CRACD: variants seen among roughly 807,000 people sequenced by gnomAD.
CRACD encodes the protein capping protein inhibiting regulator of actin dynamics, also known as capping protein-inhibiting regulator of actin dynamics.
A neutral mutation model predicts 106.8 loss-of-function variants in CRACD; 56 were observed. That is an observed-to-expected ratio of 0.52 (90% CI 0.42 to 0.66). CRACD has a LOEUF of 0.66. CRACD is among the 30% of genes least tolerant of loss of function. The probability of loss-of-function intolerance (pLI) is 0.00; values close to 1 mark genes in which losing one functional copy is unlikely to be tolerated. For missense variants in CRACD, 1,730 were observed against 1,623.2 expected (o/e 1.07, Z -1.13); for synonymous variants, 754 against 670.8 (o/e 1.12, Z -1.92).
At chr4:56,181,390 T>G (rs60756077) in intron 2 of CRACD, among the ~76,000 whole-genome samples, 5,946 of 152,146 alleles carry the variant, frequency 0.039, 302 homozygotes, top group African/African-American at 0.11. Context: ...GGAGGGTTGA[T>G]CCACAGGAAA....
intron 2 of CRACD, among the ~76,000 whole-genome samples, chr4:56,216,559 C>A (rs1000160852): frequency 6.6e-6 from 1 of 152,144 alleles, no homozygotes; most frequent in South Asian, 2.1e-4. Flanking sequence ...GAGGGATACA[C>A]TCTCTGTGGG....
chr4:56,130,470 C>G (rs1734789552), intron 1 of CRACD, among the ~76,000 whole-genome samples: 1 of 152,092 alleles, frequency 6.6e-6, no homozygotes, highest in African/African-American at 2.4e-5. Flanking sequence ...TGGCTTAAAA[C>G]CCTCTTAAAA....
At chr4:56,294,494 G>T (rs1365328854) in intron 3 of CRACD, among the ~76,000 whole-genome samples, 1 of 152,142 alleles carries the variant, frequency 6.6e-6, no homozygotes, top group African/African-American at 2.4e-5. Context: ...ATAAATACAT[G>T]AGGAGTCAGC....
chr4:56,123,057 C>T (rs1314255072), intron 1 of CRACD, among the ~76,000 whole-genome samples: 2 of 152,136 alleles, frequency 1.3e-5, no homozygotes, highest in South Asian at 2.1e-4. Context: ...TAATAGTTAT[C>T]GAAGTAAGAT....
At chr4:56,303,525 A>C (rs1192950548) in intron 4 of CRACD, among the ~76,000 whole-genome samples, 1 of 152,244 alleles carries the variant, frequency 6.6e-6, no homozygotes, top group Non-Finnish European at 1.5e-5. Context: ...GGGCAGAATT[A>C]AAGTAACAAA....
rs1475193365 is a variant in CRACD, at chr4:56,329,474, T to C, written c.*1670T>C. Among the ~76,000 whole-genome samples, 1 of 152,208 alleles carries C rather than the reference T, an allele frequency of 6.6e-6. No individual in the cohort carries two copies. The highest frequency in any genetic ancestry group is 1.9e-4 in the East Asian group (1 of 5,208). ...GAAACCATTTTCTTTCTAGAAACAA[T>C]AGCTCAGCCTCACTGTAGCAGCTGG... On this transcript the variant is annotated 3_prime_UTR_variant, in exon 11 of 11. Coordinates refer to ENST00000682029, the MANE Select transcript of CRACD (RefSeq NM_001393381.1).
At chr4:56,103,347 A>G (rs1733842623) in intron 1 of CRACD, among the ~76,000 whole-genome samples, 1 of 152,176 alleles carries the variant, frequency 6.6e-6, no homozygotes. Flanking sequence ...TGTGCCTGTA[A>G]TCTCAGCACT....
intron 2 of CRACD, among the ~76,000 whole-genome samples, chr4:56,240,975 T>G (rs535456784): frequency 2.0e-5 from 3 of 152,138 alleles, no homozygotes; most frequent in South Asian, 2.1e-4. Flanking sequence ...GTCAGCATGA[T>G]GGATGGGCCT....
chr4:56,074,998 G>A (rs1732789224), intron 1 of CRACD, among the ~76,000 whole-genome samples: 2 of 152,202 alleles, frequency 1.3e-5, no homozygotes, highest in Admixed American at 1.3e-4. Flanking sequence ...TTATTGATTT[G>A]TGTATGTTAA....
Position 56,298,205 on chromosome 4 carries a change from AC to A in CRACD, c.-16-7del. On this transcript the variant is annotated splice_polypyrimidine_tract_variant and splice_region_variant and intron_variant, in intron 3 of 10. Transcript: ENST00000682029. ...CCTAATAAAATGAAGCACATGATTT[AC>A]CTTCCAGGTCCTTCAACTATTCTAT... is the stretch of plus-strand genomic sequence containing the variant. 6.2e-7 allele frequency: 1 copy of A among 1,607,714 alleles called. No individual in the cohort carries two copies. Among genetic ancestry groups the A allele is most frequent in the Non-Finnish European group, 8.5e-7 (1 of 1,177,626 alleles).
intron 1 of CRACD, among the ~76,000 whole-genome samples, chr4:56,124,500 AAAT>A (rs925418476): frequency 1.2e-4 from 19 of 152,318 alleles, no homozygotes; most frequent in African/African-American, 3.1e-4. Flanking sequence ...TCACACCTAA[AAAT>A]AATAATAATT....
At chr4:56,323,176 C>A (rs1014523140) in intron 8 of CRACD, among the ~76,000 whole-genome samples, 3 of 152,050 alleles carry the variant, frequency 2.0e-5, no homozygotes, top group African/African-American at 7.2e-5. Flanking sequence ...AAGACAAATA[C>A]CCTTGTTTTT....
intron 1 of CRACD, among the ~76,000 whole-genome samples, chr4:56,143,129 G>C (rs926452267): frequency 3.3e-5 from 5 of 151,750 alleles, no homozygotes; most frequent in Non-Finnish European, 5.9e-5. Flanking sequence ...TTCATTTGGA[G>C]AATTTTTCCC....
At chr4:56,088,604 T>G (rs1208467235) in intron 1 of CRACD, among the ~76,000 whole-genome samples, 1 of 152,228 alleles carries the variant, frequency 6.6e-6, no homozygotes. Flanking sequence ...AGTTGAAGTA[T>G]TCTTTTAGCC....
At chr4:56,303,133 C>T (rs1744466350) in intron 4 of CRACD, among the ~76,000 whole-genome samples, 1 of 152,046 alleles carries the variant, frequency 6.6e-6, no homozygotes, top group African/African-American at 2.4e-5. Context: ...TCACTTGAGG[C>T]CAGGAGTTCA....
intron 2 of CRACD, among the ~76,000 whole-genome samples, chr4:56,210,057 T>G (rs1387249306): frequency 6.6e-6 from 1 of 152,198 alleles, no homozygotes; most frequent in Non-Finnish European, 1.5e-5. Context: ...GACTCTGACT[T>G]GTAGCTGCTG....
chr4:56,302,981 C>T (rs1385199542), intron 4 of CRACD, among the ~76,000 whole-genome samples: 1 of 152,182 alleles, frequency 6.6e-6, no homozygotes, highest in Non-Finnish European at 1.5e-5. Flanking sequence ...TGGCCACCAG[C>T]AACATGGAGT....
chr4:56,170,040 G>A (rs552945155), intron 1 of CRACD, among the ~76,000 whole-genome samples: 1 of 151,982 alleles, frequency 6.6e-6, no homozygotes, highest in Non-Finnish European at 1.5e-5. Flanking sequence ...CTGAGTAGCA[G>A]AACAACAACA....
At chr4:56,308,918 C>A (rs1744941406) in intron 5 of CRACD, 2 of 1,288,724 alleles carry the variant, frequency 1.6e-6, no homozygotes, top group Admixed American at 4.6e-5. Flanking sequence ...ATTGTTTGTT[C>A]AGCAGGCTCT....
Sources: gnomAD v4.1 joint callset for allele counts (sites outside exome capture counted in the v4.1 genomes callset) on GRCh38, gnomAD v4.1.1 for gene constraint, MANE v1.5 for transcripts, NCBI Gene and HGNC (gene_info 2026-07-23, HGNC 2026-07-21) for gene names.